PCDH15: variants seen among roughly 807,000 people sequenced by gnomAD.
PCDH15 encodes protocadherin related 15.
A neutral mutation model predicts 178.5 loss-of-function variants in PCDH15; 129 were observed. That is an observed-to-expected ratio of 0.72 (90% CI 0.63 to 0.84). The LOEUF (loss-of-function observed/expected upper bound fraction) is 0.84, where lower values mean the gene tolerates loss of function less well. Ranked by LOEUF, PCDH15 falls within the 40% of genes least tolerant of loss-of-function variation. The pLI is 0.00. For synonymous variants in PCDH15, 800 were observed against 732.0 expected (o/e 1.09, Z -1.50); for missense variants, 2,230 against 2,099.9 (o/e 1.06, Z -1.21).
At chr10:55,085,497 G>A (rs1471961346) in intron 2 of PCDH15, among the ~76,000 whole-genome samples, 1 of 151,806 alleles carries the variant, frequency 6.6e-6, no homozygotes, top group East Asian at 1.9e-4. Context: ...TAATTGGAAT[G>A]TTTATAACAC....
At chr10:53,963,921 C>T (rs181652049) in intron 21 of PCDH15, among the ~76,000 whole-genome samples, 80 of 152,230 alleles carry the variant, frequency 5.3e-4, no homozygotes, top group Non-Finnish European at 6.3e-4. Flanking sequence ...AATGATTTTG[C>T]ATCACACACA....
At chr10:54,945,421 C>T (rs776664612) in intron 2 of PCDH15, among the ~76,000 whole-genome samples, 5 of 149,086 alleles carry the variant, frequency 3.4e-5, no homozygotes, top group African/African-American at 7.4e-5. Flanking sequence ...GATGACTACA[C>T]GAGGTCTTTC....
At chr10:53,870,012 A>C (rs2079723808) in intron 26 of PCDH15, among the ~76,000 whole-genome samples, 1 of 152,204 alleles carries the variant, frequency 6.6e-6, no homozygotes, top group Non-Finnish European at 1.5e-5. Context: ...AATACTGTAT[A>C]ACAACACTAT....
chr10:53,806,913 C>G lies in PCDH15; in HGVS notation c.4889G>C (p.Arg1630Pro), dbSNP rs757319626. ...TAGTTTCTTAAAGGGCCCTCCCAGTCGAACAGGGGAAGCAACTTTTAAGTT... is the reference window on the plus strand; with the variant it reads ...TAGTTTCTTAAAGGGCCCTCCCAGTGGAACAGGGGAAGCAACTTTTAAGTT... ...TDNLKVASPV[R>P]LGGPFKKLDK... The change falls in exon 38 of 38, where the codon CGA becomes CCA. Residue 1630 changes from arginine to proline, a missense_variant. By Grantham distance (103) the Arg-to-Pro change is moderately radical (BLOSUM62 -2). Coordinates refer to ENST00000644397, the MANE Select transcript of PCDH15 (RefSeq NM_001384140.1). 3.7e-6 allele frequency: 6 copies of G among 1,613,720 alleles called. No individual in the cohort carries two copies. The highest frequency in any genetic ancestry group is 5.1e-6 in the Non-Finnish European group (6 of 1,179,842).
intron 11 of PCDH15, chr10:54,189,338 T>C (rs751461936): frequency 3.8e-6 from 6 of 1,564,716 alleles, no homozygotes; most frequent in Non-Finnish European, 3.5e-6. Flanking sequence ...AAAAGAACAA[T>C]CACAAGCTTA....
chr10:55,436,270 A>C (rs1371896549), intron 2 of PCDH15, among the ~76,000 whole-genome samples: 1 of 152,126 alleles, frequency 6.6e-6, no homozygotes, highest in African/African-American at 2.4e-5. Flanking sequence ...AAATATTAAA[A>C]CATAAATTAG....
chr10:54,108,725 G>GA (rs1040602020), intron 15 of PCDH15, among the ~76,000 whole-genome samples: 17 of 152,030 alleles, frequency 1.1e-4, no homozygotes. Context: ...AGGTCAGGGG[G>GA]ATACTCTTTA....
intron 2 of PCDH15, among the ~76,000 whole-genome samples, chr10:55,611,615 A>T (rs1405339833): frequency 2.0e-5 from 3 of 152,060 alleles, no homozygotes; most frequent in Non-Finnish European, 4.4e-5. Context: ...AAATAAAAAA[A>T]ATATAATTAC....
At chr10:54,051,990 G>A (rs778483273) in intron 18 of PCDH15, among the ~76,000 whole-genome samples, 9 of 152,220 alleles carry the variant, frequency 5.9e-5, no homozygotes, top group South Asian at 4.1e-4. Context: ...TACATGTGGT[G>A]TTGGTCCTGT....
intron 4 of PCDH15, among the ~76,000 whole-genome samples, chr10:54,377,340 A>T (rs955102634): frequency 1.3e-5 from 2 of 152,108 alleles, no homozygotes; most frequent in African/African-American, 4.8e-5. Flanking sequence ...AAAAGCCCAG[A>T]TTTACCTCAC....
At chr10:54,094,382 C>T (rs2094659065) in intron 15 of PCDH15, among the ~76,000 whole-genome samples, 1 of 152,102 alleles carries the variant, frequency 6.6e-6, no homozygotes, top group Non-Finnish European at 1.5e-5. Flanking sequence ...AGGATTTACA[C>T]TTATAGAAGT....
chr10:55,227,116 A>C (rs1841069961), intron 1 of PCDH15, among the ~76,000 whole-genome samples: 1 of 152,076 alleles, frequency 6.6e-6, no homozygotes, highest in South Asian at 2.1e-4. Flanking sequence ...ATATATAAAC[A>C]AAACCAAAAA....
At chr10:53,950,756 T>C (rs530790278) in intron 23 of PCDH15, among the ~76,000 whole-genome samples, 1 of 152,204 alleles carries the variant, frequency 6.6e-6, no homozygotes, top group South Asian at 2.1e-4. Context: ...AAGTAGTATG[T>C]GTTTGAACTA....
Position 54,527,800 on chromosome 10 carries a change from A to C in PCDH15, c.157+12T>G. On this transcript the variant is annotated intron_variant, in intron 3 of 37. Transcript: ENST00000644397. ...TTAGATAAGACATTTGTAAAATAAA[A>C]AACTCACTTACCATTCCGACTTTCT... 1 of 1,593,518 alleles carries C rather than the reference A, an allele frequency of 6.3e-7. No individual in the cohort carries two copies. The highest frequency in any genetic ancestry group is 8.6e-7 in the Non-Finnish European group (1 of 1,164,518).
chr10:55,618,950 A>C (rs56678968), intron 2 of PCDH15, among the ~76,000 whole-genome samples: 46,742 of 151,968 alleles, frequency 0.31, 7,358 homozygotes, highest in African/African-American at 0.39. Flanking sequence ...GCACTTTACA[A>C]AACAGAAAGG....
At chr10:54,749,799 C>T (rs542559077) in intron 1 of PCDH15, among the ~76,000 whole-genome samples, 3 of 152,238 alleles carry the variant, frequency 2.0e-5, no homozygotes, top group East Asian at 3.9e-4. Context: ...TGCTTGCTTG[C>T]TTGCTTGGTT....
rs1351124264 is a variant in PCDH15 at position 55,434,956 on chromosome 10, A to G, written c.-156+192669T>C. Among the ~76,000 whole-genome samples the G allele has an allele frequency of 2.0e-5, 3 of 152,204 alleles. No homozygotes were observed. The East Asian group carries it at 5.8e-4, about 29-fold the overall frequency. On this transcript the variant is annotated intron_variant, in intron 2 of 5. Transcript: ENST00000613346. ...TCTAATAGTCAAAAATCTAATTTTA[A>G]GATTTACTTATTTTATGAAAACATG...
At chr10:54,516,854 C>T (rs1162114305) in intron 3 of PCDH15, among the ~76,000 whole-genome samples, 1 of 152,180 alleles carries the variant, frequency 6.6e-6, no homozygotes, top group Non-Finnish European at 1.5e-5. Context: ...AGAGTAACAG[C>T]AGATCTCTCG....
chr10:53,965,698 G>A (rs948108176), intron 21 of PCDH15, among the ~76,000 whole-genome samples: 1 of 152,088 alleles, frequency 6.6e-6, no homozygotes, highest in African/African-American at 2.4e-5. Flanking sequence ...GATGAAAGAG[G>A]ATAATTATAG....
Sources: allele counts gnomAD v4.1 joint callset (sites outside exome capture counted in the v4.1 genomes callset), GRCh38; gene constraint gnomAD v4.1.1; transcripts MANE v1.5; gene names NCBI Gene and HGNC (gene_info 2026-07-23, HGNC 2026-07-21).